The following USH2A variants were observed in gnomAD, a reference collection of about 807,000 sequenced individuals.
The protein encoded by USH2A is Usher syndrome 2A (autosomal recessive, mild).
USH2A carries 443 observed loss-of-function variants against 538.9 expected under a neutral mutation model. The ratio of observed to expected loss-of-function variants is 0.82; its 90% CI spans 0.76 to 0.89. The LOEUF (loss-of-function observed/expected upper bound fraction) is 0.89. Ranked by LOEUF, USH2A falls within the 40% of genes least tolerant of loss-of-function variation. The probability of loss-of-function intolerance (pLI) is 0.00; values close to 1 mark genes in which losing one functional copy is unlikely to be tolerated. For missense variants in USH2A, 6,633 were observed against 6,324.8 expected, an observed-to-expected ratio of 1.05 and a Z score of -1.65; for synonymous variants, 2,413 against 2,273.5, an observed-to-expected ratio of 1.06 and a Z score of -1.75.
At chr1:215,951,840 GTTTATTTTTTTTATTT>G (rs1338456798) in intron 37 of USH2A, among the ~76,000 whole-genome samples, 2 of 151,686 alleles carry the variant, frequency 1.3e-5, no homozygotes, top group South Asian at 2.1e-4. Context: ...ATCTTTGTTG[GTTTATTTTTTTTATTT>G]TTTATTTTTT....
chr1:216,103,481 A>C (rs756731169), intron 21 of USH2A, among the ~76,000 whole-genome samples: 4 of 152,214 alleles, frequency 2.6e-5, no homozygotes, highest in African/African-American at 4.8e-5. Flanking sequence ...AGTAATAGCC[A>C]TACAAAGCTA....
At chr1:215,958,278 T>C (rs11589643) in intron 37 of USH2A, among the ~76,000 whole-genome samples, 1 of 151,934 alleles carries the variant, frequency 6.6e-6, no homozygotes, top group African/African-American at 2.4e-5. Context: ...TTTTTCAAGA[T>C]TTTTTAGAGA....
chr1:215,981,068 A>C (rs1049200462), intron 35 of USH2A, among the ~76,000 whole-genome samples: 1 of 152,096 alleles, frequency 6.6e-6, no homozygotes, highest in African/African-American at 2.4e-5. Context: ...GTGAGTTCTC[A>C]TTGTTCTATA....
chr1:215,964,990 C>G (rs182117921), intron 37 of USH2A, among the ~76,000 whole-genome samples: 9 of 152,264 alleles, frequency 5.9e-5, no homozygotes, highest in Admixed American at 5.9e-4. Context: ...AGAGTATATA[C>G]TAGTTCTTCA....
At chr1:216,381,122 G>A (rs989922596) in intron 3 of USH2A, among the ~76,000 whole-genome samples, 2 of 152,098 alleles carry the variant, frequency 1.3e-5, no homozygotes, top group Non-Finnish European at 2.9e-5. Context: ...GTTTTACAGA[G>A]GAAGTTGTAT....
intron 9 of USH2A, among the ~76,000 whole-genome samples, chr1:216,312,906 C>T (rs1392552387): frequency 6.6e-6 from 1 of 152,022 alleles, no homozygotes; most frequent in Non-Finnish European, 1.5e-5. Flanking sequence ...ACATGATGTA[C>T]TGAGTAAAGG....
intron 44 of USH2A, among the ~76,000 whole-genome samples, chr1:215,859,119 C>T (rs184758230): frequency 1.3e-5 from 2 of 152,060 alleles, no homozygotes; most frequent in Non-Finnish European, 2.9e-5. Flanking sequence ...AAATCGAGGT[C>T]CCACTCTTAT....
At chr1:216,164,138 G>A (rs1347886672) in intron 21 of USH2A, among the ~76,000 whole-genome samples, 3 of 152,028 alleles carry the variant, frequency 2.0e-5, no homozygotes, top group Non-Finnish European at 4.4e-5. Context: ...TTTTACGACA[G>A]CAATCATAAC....
intron 32 of USH2A, among the ~76,000 whole-genome samples, chr1:216,044,895 A>C (rs1386766940): frequency 6.6e-6 from 1 of 152,172 alleles, no homozygotes; most frequent in African/African-American, 2.4e-5. Flanking sequence ...TGAATAATAA[A>C]ATATAAAAGT....
At chr1:216,021,100 C>CTA (rs890926012) in intron 32 of USH2A, among the ~76,000 whole-genome samples, 2 of 152,094 alleles carry the variant, frequency 1.3e-5, no homozygotes, top group Admixed American at 1.3e-4. Flanking sequence ...CTGAGCTGAA[C>CTA]TATAGCATGC....
intron 14 of USH2A, among the ~76,000 whole-genome samples, chr1:216,226,013 G>T (rs1265949041): frequency 6.6e-6 from 1 of 151,984 alleles, no homozygotes; most frequent in African/African-American, 2.4e-5. Context: ...ATATTAAAAA[G>T]GAGTAGCCAA....
chr1:216,262,110 A>G (rs1014963602), intron 11 of USH2A, among the ~76,000 whole-genome samples: 8 of 152,106 alleles, frequency 5.3e-5, no homozygotes, highest in African/African-American at 1.9e-4. Flanking sequence ...AAAAGAAGCA[A>G]TTACTTTACC....
intron 21 of USH2A, among the ~76,000 whole-genome samples, chr1:216,172,275 A>T (rs1184527419): frequency 1.3e-5 from 2 of 152,084 alleles, no homozygotes; most frequent in East Asian, 3.9e-4. Context: ...TGTGTTATGA[A>T]TGCGTTTATA....
chr1:216,306,483 CA>C (rs1234571850), intron 9 of USH2A, among the ~76,000 whole-genome samples: 30 of 152,132 alleles, frequency 2.0e-4, no homozygotes, highest in African/African-American at 7.2e-4. Flanking sequence ...ACTTAATAAT[CA>C]ACCTTCTGAG....
intron 19 of USH2A, among the ~76,000 whole-genome samples, chr1:216,193,040 G>A (rs2034753054): frequency 6.6e-6 from 1 of 151,988 alleles, no homozygotes; most frequent in African/African-American, 2.4e-5. Flanking sequence ...TGACTTCTAA[G>A]GCTGTATTTT....
At chr1:215,640,257 G>A (rs147665359) in intron 68 of USH2A, among the ~76,000 whole-genome samples, 117 of 152,252 alleles carry the variant, frequency 7.7e-4, no homozygotes, top group African/African-American at 2.8e-3. Context: ...CTATGTATGG[G>A]TGCTATTTCT....
chr1:215,902,388 A>C (rs1267213610), intron 38 of USH2A, among the ~76,000 whole-genome samples: 2 of 152,190 alleles, frequency 1.3e-5, no homozygotes, highest in African/African-American at 2.4e-5. Flanking sequence ...GAGTTCATTA[A>C]TAATTCATTC....
intron 44 of USH2A, among the ~76,000 whole-genome samples, chr1:215,866,721 A>G (rs1285346647): frequency 6.6e-6 from 1 of 152,220 alleles, no homozygotes. Context: ...GGAGAGCAGG[A>G]GGCCCAAGAA....
chr1:215,634,868 A>G (rs1656426131), intron 69 of USH2A, among the ~76,000 whole-genome samples, 165 bp from the exon 70 acceptor site: 1 of 152,216 alleles, frequency 6.6e-6, no homozygotes, highest in Non-Finnish European at 1.5e-5. Flanking sequence ...ATGGTTCAGC[A>G]GGTTGCTGGG....
Sources: gnomAD v4.1 joint callset for allele counts (sites outside exome capture counted in the v4.1 genomes callset) on GRCh38, gnomAD v4.1.1 for gene constraint, MANE v1.5 for transcripts, NCBI Gene and HGNC (gene_info 2026-07-23, HGNC 2026-07-21) for gene names.